The following HMGXB4 variants were observed in gnomAD, a reference collection of about 807,000 sequenced individuals.
The protein encoded by HMGXB4 is HMG-box containing 4.
Under a neutral mutation model 63.9 loss-of-function variants are expected in HMGXB4, and 27 were observed. That is an observed-to-expected ratio of 0.42 (90% CI 0.31 to 0.58). The LOEUF (loss-of-function observed/expected upper bound fraction) is 0.58. HMGXB4 is among the 20% of genes least tolerant of loss of function. The pLI is 0.13. For missense variants in HMGXB4, 624 were observed against 700.7 expected (o/e 0.89, Z 1.24); for synonymous variants, 264 against 265.3 (o/e 0.99, Z 0.05).
At chr22:35,288,524 C>A in intron 9 of HMGXB4, 117 bp downstream of exon 9, 1 of 698,668 alleles carries the variant, frequency 1.4e-6, no homozygotes, top group South Asian at 4.1e-5. Context: ...CTAAATTATG[C>A]CAGGTTCTCA....
chr22:35,254,550 G>T (rs1054750837), upstream of HMGXB4, among the ~76,000 whole-genome samples: 1 of 152,090 alleles, frequency 6.6e-6, no homozygotes, highest in Non-Finnish European at 1.5e-5. Context: ...TCCCCTGCTG[G>T]TACTCTCGTA....
intron 9 of HMGXB4, among the ~76,000 whole-genome samples, chr22:35,289,367 A>G (rs566645703): frequency 6.6e-6 from 1 of 152,252 alleles, no homozygotes; most frequent in African/African-American, 2.4e-5. Context: ...GCTGAGGCAG[A>G]TGGATTGCTT....
intron 4 of HMGXB4, 170 bp downstream of exon 4, chr22:35,264,044 G>A (rs1923037257): frequency 6.5e-7 from 1 of 1,547,306 alleles, no homozygotes; most frequent in Non-Finnish European, 8.7e-7. Flanking sequence ...GTGGAGGGCT[G>A]GTATTTTGGA....
chr22:35,254,094 G>A (rs903451096), upstream of HMGXB4, among the ~76,000 whole-genome samples: 4 of 152,254 alleles, frequency 2.6e-5, no homozygotes, highest in African/African-American at 9.6e-5. Context: ...CAGAAAAGTG[G>A]CCTGAAGAAA....
At chr22:35,256,888 C>A (rs1922438374), upstream of HMGXB4, among the ~76,000 whole-genome samples, 1 of 152,236 alleles carries the variant, frequency 6.6e-6, no homozygotes, top group African/African-American at 2.4e-5. Flanking sequence ...AAATTGTGTT[C>A]TCGCCTGTAT....
chr22:35,263,308 T>TG (rs1317758410), intron 3 of HMGXB4, 82 bp downstream of exon 3: 5 of 1,183,278 alleles, frequency 4.2e-6, no homozygotes, highest in South Asian at 1.5e-5. Flanking sequence ...TTGTTTTTTT[T>TG]TTTTTTCTCT....
the HMGXB4 span, among the ~76,000 whole-genome samples, chr22:35,247,441 C>T: frequency 6.6e-6 from 1 of 152,202 alleles, no homozygotes; most frequent in Admixed American, 6.5e-5. Flanking sequence ...TAGCTGATCA[C>T]TATTTGCTGA....
At chr22:35,269,388 CAAAAT>C (rs1307192097) in intron 5 of HMGXB4, among the ~76,000 whole-genome samples, 1 of 152,112 alleles carries the variant, frequency 6.6e-6, no homozygotes, top group Non-Finnish European at 1.5e-5. Flanking sequence ...AACAAACAAA[CAAAAT>C]AGAATTCATA....
the HMGXB4 span, among the ~76,000 whole-genome samples, chr22:35,243,099 G>A: frequency 5.9e-5 from 9 of 152,280 alleles, no homozygotes; most frequent in Non-Finnish European, 1.0e-4. Flanking sequence ...GGCCAGGCGC[G>A]GTGGCTCACG....
rs1211432193 is a variant in HMGXB4 at position 35,263,784 on chromosome 22, C to G, written c.181-12C>G. On this transcript the variant is annotated splice_polypyrimidine_tract_variant and intron_variant, in intron 3 of 10. Coordinates refer to ENST00000216106, the MANE Select transcript of HMGXB4 (RefSeq NM_001003681.3). The stretch of plus-strand genomic sequence containing the variant: ...ATCATCTTATTATTGGTCAATTCTT[C>G]TTTAATTATAGGATAGTGAACTTTA... 6.3e-7 allele frequency: 1 copy of G among 1,593,136 alleles called. No homozygotes were observed. The highest frequency in any genetic ancestry group is 8.6e-7 in the Non-Finnish European group (1 of 1,160,862).
At chr22:35,283,319 A>G (rs919707453) in intron 5 of HMGXB4, among the ~76,000 whole-genome samples, 1 of 152,230 alleles carries the variant, frequency 6.6e-6, no homozygotes, top group Non-Finnish European at 1.5e-5. Context: ...AGATGAGAAA[A>G]ATAGACACCC....
chr22:35,265,737 T>C (rs1923198053), intron 5 of HMGXB4, 134 bp downstream of exon 5: 1 of 1,246,446 alleles, frequency 8.0e-7, no homozygotes, highest in African/African-American at 1.5e-5. Context: ...GTTGGAATGA[T>C]ATAAAGTATA....
At chr22:35,258,626 C>G (rs997151623) in intron 1 of HMGXB4, 1 of 152,310 alleles carries the variant, frequency 6.6e-6, no homozygotes, top group Non-Finnish European at 1.5e-5. Context: ...AAGGGAGTGG[C>G]AAGAGGATTC....
chr22:35,293,527 T>C, intron 10 of HMGXB4, 80 bp from the exon 11 acceptor site: 1 of 927,546 alleles, frequency 1.1e-6, no homozygotes, highest in Non-Finnish European at 1.8e-6. Context: ...TTTTCTTATC[T>C]CTCTCCTTGA....
chr22:35,288,197 T>A, intron 8 of HMGXB4, 41 bp from the exon 9 acceptor site: 1 of 1,399,412 alleles, frequency 7.1e-7, no homozygotes. Flanking sequence ...TTCAAGGCTG[T>A]AGGCAAGTTT....
At position 35,294,067 on chromosome 22, in the gene HMGXB4, C is replaced by G. The variant is rs554798670; in HGVS notation, c.*416C>G. 1.3e-5 allele frequency: 2 copies of G among 153,460 alleles called. No individual in the cohort carries two copies. Among genetic ancestry groups the G allele is most frequent in the South Asian group, 4.1e-4 (2 of 4,824 alleles). 9.5% of individuals were successfully genotyped at this position (153,460 alleles called of 1,614,324 possible). ...ATCACTGACCATTTGCCTTACCTGT[C>G]TTAGTCTGAAATGTAATAGGAAAGA... On this transcript the variant is annotated 3_prime_UTR_variant, in exon 11 of 11. Coordinates refer to ENST00000216106, the MANE Select transcript of HMGXB4 (RefSeq NM_001003681.3).
chr22:35,262,820 G>A, intron 2 of HMGXB4: 1 of 537,692 alleles, frequency 1.9e-6, no homozygotes, highest in Admixed American at 3.5e-5. Flanking sequence ...TCACAACTCA[G>A]AAACCATATC....
At chr22:35,281,724 A>G (rs570840956) in intron 5 of HMGXB4, among the ~76,000 whole-genome samples, 8 of 152,246 alleles carry the variant, frequency 5.3e-5, no homozygotes, top group Admixed American at 6.5e-5. Context: ...GACTTCCACA[A>G]ATTTTTCTTT....
intron 4 of HMGXB4, chr22:35,264,122 C>A: frequency 7.2e-7 from 1 of 1,387,416 alleles, no homozygotes; most frequent in Non-Finnish European, 9.9e-7. Context: ...TCCCCCCAAT[C>A]ATCCACTTAT....
Sources: gnomAD v4.1 joint callset for allele counts (sites outside exome capture counted in the v4.1 genomes callset) on GRCh38, gnomAD v4.1.1 for gene constraint, MANE v1.5 for transcripts, NCBI Gene and HGNC (gene_info 2026-07-23, HGNC 2026-07-21) for gene names.